Variants in PCSK2 observed in about 807,000 individuals in gnomAD.
The protein encoded by PCSK2 is neuroendocrine convertase 2.
Under a neutral mutation model 69.7 loss-of-function variants are expected in PCSK2, and 14 were observed. That is an observed-to-expected ratio of 0.20 (90% CI 0.13 to 0.31). The LOEUF (loss-of-function observed/expected upper bound fraction) is 0.31, where lower values mean the gene tolerates loss of function less well. PCSK2 is among the 10% of genes least tolerant of loss of function. The pLI is 1.00. For missense variants in PCSK2, 544 were observed against 842.5 expected, an observed-to-expected ratio of 0.65 and a Z score of 4.39; for synonymous variants, 307 against 320.7, an observed-to-expected ratio of 0.96 and a Z score of 0.46.
intron 2 of PCSK2, among the ~76,000 whole-genome samples, chr20:17,282,296 T>C (rs1256776303): frequency 6.6e-6 from 1 of 152,096 alleles, no homozygotes. Context: ...CTGCATATCA[T>C]ATTATAGGAT....
chr20:17,474,999 C>T (rs764659716), intron 11 of PCSK2, among the ~76,000 whole-genome samples: 5 of 151,918 alleles, frequency 3.3e-5, no homozygotes, highest in Non-Finnish European at 5.9e-5. Flanking sequence ...GGTTGGGTTG[C>T]TCGGAAGCAG....
At chr20:17,374,587 G>A (rs997121386) in intron 5 of PCSK2, among the ~76,000 whole-genome samples, 1 of 152,152 alleles carries the variant, frequency 6.6e-6, no homozygotes, top group African/African-American at 2.4e-5. Flanking sequence ...TTGAAAGCAA[G>A]TCATTCATTT....
chr20:17,230,099 G>T (rs1027864341), intron 1 of PCSK2, among the ~76,000 whole-genome samples: 1 of 152,104 alleles, frequency 6.6e-6, no homozygotes, highest in African/African-American at 2.4e-5. Context: ...CCCAGACACC[G>T]TCCTATCTTG....
chr20:17,374,680 C>G (rs968880764), intron 5 of PCSK2, among the ~76,000 whole-genome samples: 2 of 152,024 alleles, frequency 1.3e-5, no homozygotes, highest in African/African-American at 4.8e-5. Flanking sequence ...CAAATTACCC[C>G]CTAGGGCAAT....
chr20:17,360,655 G>A lies in PCSK2; in HGVS notation c.505+15G>A, dbSNP rs770337965. ...TATGGATGATGGTGAGTATTTTGAA[G>A]CCTGTGCCTCATTTGGAAATAAGCG... On this transcript the variant is annotated intron_variant, in intron 4 of 11. Coordinates refer to ENST00000262545, the MANE Select transcript of PCSK2 (RefSeq NM_002594.5). 6.9e-7 allele frequency: 1 copy of A among 1,454,332 alleles called. No individual in the cohort carries two copies. Among genetic ancestry groups the A allele is most frequent in the Admixed American group, 1.7e-5 (1 of 58,726 alleles). 90.1% of individuals were successfully genotyped at this position (1,454,332 alleles called of 1,614,324 possible).
At chr20:17,369,790 G>A (rs1452038405) in intron 5 of PCSK2, among the ~76,000 whole-genome samples, 2 of 152,216 alleles carry the variant, frequency 1.3e-5, no homozygotes, top group Admixed American at 1.3e-4. Flanking sequence ...GTGGAAATGA[G>A]CCATTTGGGT....
chr20:17,480,266 T>C (rs1324274377), intron 11 of PCSK2, among the ~76,000 whole-genome samples: 2 of 143,046 alleles, frequency 1.4e-5, no homozygotes, highest in Non-Finnish European at 3.0e-5. Flanking sequence ...CTCGGCTCAC[T>C]GCAAGCTCCG....
chr20:17,403,017 C>T (rs572164861), intron 5 of PCSK2, among the ~76,000 whole-genome samples: 1 of 152,062 alleles, frequency 6.6e-6, no homozygotes, highest in South Asian at 2.1e-4. Context: ...ACCCAGGACA[C>T]AACTGTGTGG....
At chr20:17,243,844 G>C (rs1986674679) in intron 1 of PCSK2, among the ~76,000 whole-genome samples, 1 of 151,644 alleles carries the variant, frequency 6.6e-6, no homozygotes, top group African/African-American at 2.4e-5. Context: ...CTCTTCAAAA[G>C]TATTAACGTC....
At chr20:17,390,349 T>A (rs2031340752) in intron 5 of PCSK2, among the ~76,000 whole-genome samples, 2 of 152,238 alleles carry the variant, frequency 1.3e-5, no homozygotes, top group South Asian at 4.1e-4. Context: ...CAGATTTACA[T>A]ACTGCTAAGA....
At chr20:17,456,909 G>A (rs1050443328) in intron 10 of PCSK2, among the ~76,000 whole-genome samples, 6 of 152,162 alleles carry the variant, frequency 3.9e-5, no homozygotes, top group African/African-American at 1.2e-4. Flanking sequence ...TTTGTGAAGT[G>A]GATTCACTTT....
At chr20:17,282,463 T>C (rs1988351875) in intron 2 of PCSK2, among the ~76,000 whole-genome samples, 1 of 152,178 alleles carries the variant, frequency 6.6e-6, no homozygotes, top group South Asian at 2.1e-4. Context: ...ATGTTCACTT[T>C]AGCCCATGGT....
chr20:17,429,606 C>A, intron 7 of PCSK2, 83 bp downstream of exon 7: 1 of 901,338 alleles, frequency 1.1e-6, no homozygotes, highest in Non-Finnish European at 1.7e-6. Context: ...AAAAATCCCA[C>A]TGGTGCAGAA....
chr20:17,390,179 A>G (rs933908042), intron 5 of PCSK2, among the ~76,000 whole-genome samples: 1 of 152,218 alleles, frequency 6.6e-6, no homozygotes, highest in Non-Finnish European at 1.5e-5. Flanking sequence ...GGTTCCATTT[A>G]CATGAAGCTC....
At chr20:17,249,289 G>A (rs1309893254) in intron 1 of PCSK2, among the ~76,000 whole-genome samples, 1 of 152,048 alleles carries the variant, frequency 6.6e-6, no homozygotes, top group Admixed American at 6.6e-5. Context: ...GGCGGATCAT[G>A]AGGTCAGGAG....
intron 2 of PCSK2, among the ~76,000 whole-genome samples, chr20:17,316,652 A>G (rs1334901070): frequency 2.0e-5 from 3 of 152,212 alleles, no homozygotes; most frequent in African/African-American, 7.2e-5. Flanking sequence ...CAGTCCTATA[A>G]AAAGTTAGAA....
chr20:17,463,234 T>A (rs1211237256), intron 10 of PCSK2, among the ~76,000 whole-genome samples: 3 of 152,206 alleles, frequency 2.0e-5, no homozygotes. Context: ...CCCATTTTCA[T>A]GGCAAAGATG....
At chr20:17,424,148 A>G (rs2032192993) in intron 6 of PCSK2, among the ~76,000 whole-genome samples, 1 of 152,232 alleles carries the variant, frequency 6.6e-6, no homozygotes, top group Non-Finnish European at 1.5e-5. Flanking sequence ...CAAATTAAAT[A>G]CCTATCATTA....
chr20:17,310,758 G>T (rs1385385193), intron 2 of PCSK2, among the ~76,000 whole-genome samples: 1 of 151,304 alleles, frequency 6.6e-6, no homozygotes, highest in Non-Finnish European at 1.5e-5. Context: ...TTGGGAGGCC[G>T]AGGCAGGTGG....
Sources: allele counts gnomAD v4.1 joint callset (sites outside exome capture counted in the v4.1 genomes callset), GRCh38; gene constraint gnomAD v4.1.1; transcripts MANE v1.5; gene names NCBI Gene and HGNC (gene_info 2026-07-23, HGNC 2026-07-21).